The following PCDHGA10 variants were observed in gnomAD, a reference collection of about 807,000 sequenced individuals.
PCDHGA10 encodes the protein protocadherin gamma subfamily A, 10, also known as protocadherin gamma-A10.
Under a neutral mutation model 59.5 loss-of-function variants are expected in PCDHGA10, and 42 were observed. The ratio of observed to expected loss-of-function variants is 0.71; its 90% CI spans 0.55 to 0.91. The LOEUF is 0.91. Among genes scored for constraint, PCDHGA10 ranks in the 40% least tolerant of loss-of-function variants. The pLI is 0.00. For missense variants in PCDHGA10, 1,111 were observed against 1,198.2 expected, an observed-to-expected ratio of 0.93 and a Z score of 1.07; for synonymous variants, 511 against 517.2, an observed-to-expected ratio of 0.99 and a Z score of 0.16.
At chr5:141,423,238 G>A (rs765040062) in intron 1 of PCDHGA10, 3 of 1,613,778 alleles carry the variant, frequency 1.9e-6, no homozygotes, top group South Asian at 1.1e-5. Flanking sequence ...CAGCATCCCC[G>A]AAGTCCTGGC....
At chr5:141,497,839 A>G (rs1399696596) in intron 2 of PCDHGA10, among the ~76,000 whole-genome samples, 1 of 152,044 alleles carries the variant, frequency 6.6e-6, no homozygotes, top group East Asian at 1.9e-4. Flanking sequence ...CCCGGCCACA[A>G]CAAACATTTT....
At chr5:141,466,827 T>C (rs1414741980) in intron 1 of PCDHGA10, among the ~76,000 whole-genome samples, 1 of 152,194 alleles carries the variant, frequency 6.6e-6, no homozygotes, top group Admixed American at 6.5e-5. Context: ...AACAAGTTAG[T>C]ATGGGTTTAT....
intron 1 of PCDHGA10, among the ~76,000 whole-genome samples, chr5:141,474,448 A>G (rs1350019257): frequency 3.3e-5 from 5 of 152,204 alleles, no homozygotes; most frequent in Non-Finnish European, 5.9e-5. Context: ...GTAGCAAGTG[A>G]TTGGGCTATA....
chr5:141,461,230 G>T (rs945407206), intron 1 of PCDHGA10, among the ~76,000 whole-genome samples: 2 of 152,024 alleles, frequency 1.3e-5, no homozygotes, highest in African/African-American at 4.8e-5. Flanking sequence ...TTCCATAGAG[G>T]TTGTACTAAT....
chr5:141,432,050 C>T lies in PCDHGA10; in HGVS notation c.2436+16439C>T. The stretch of plus-strand genomic sequence containing the variant: ...GACCGCCACTGACCGGGGAACCCCG[C>T]CCCTATCCACGGAAACTCATATCTC... On this transcript the variant is annotated intron_variant, in intron 1 of 3. Transcript: ENST00000398610. The surrounding 1 kb of genome is among the most constrained non-coding windows in gnomAD (Gnocchi z 6.0). The T allele has an allele frequency of 6.2e-7, 1 of 1,614,218 alleles. No individual in the cohort carries two copies. The highest frequency in any genetic ancestry group is 8.5e-7 in the Non-Finnish European group (1 of 1,180,044).
rs1056458163 is a variant in PCDHGA10 at position 141,413,019 on chromosome 5, C to A, written c.-157C>A. On this transcript the variant is annotated 5_prime_UTR_variant, in exon 1 of 4. Transcript: ENST00000398610. ...ATTCTCAGGGCTTCAACTACACAAG[C>A]CCCACAAACCGGCTGCTGGGCTGCA... 3.5e-5 allele frequency: 24 copies of A among 683,104 alleles called. No homozygotes were observed. The highest frequency in any genetic ancestry group is 5.2e-5 in the Non-Finnish European group (22 of 425,516). The allele number at this position is 683,104 out of a possible 1,614,324, so 42.3% of individuals were successfully genotyped here.
In PCDHGA10 at chr5:141,432,827, A is replaced by G. The variant is rs758445645; in HGVS notation, c.2436+17216A>G. ...AGCTAACTCTGAAACCTCAGACCTC[A>G]CTCTGTACCTGGTGGTAGCGGTGGC... On this transcript the variant is annotated intron_variant, in intron 1 of 3. Transcript: ENST00000398610. The surrounding 1 kb of genome is among the most constrained non-coding windows in gnomAD (Gnocchi z 6.0). 9 of 1,613,142 alleles carry G rather than the reference A, an allele frequency of 5.6e-6. No individual in the cohort carries two copies. Among genetic ancestry groups the G allele is most frequent in the Admixed American group, 1.7e-5 (1 of 59,958 alleles).
At chr5:141,496,799 G>C (rs2099771487) in intron 2 of PCDHGA10, among the ~76,000 whole-genome samples, 1 of 151,912 alleles carries the variant, frequency 6.6e-6, no homozygotes, top group African/African-American at 2.4e-5. Context: ...TAAACATTGG[G>C]CTATAGGAGT....
chr5:141,476,036 A>G lies in PCDHGA10; in HGVS notation c.2437-18771A>G. The G allele has an allele frequency of 1.4e-6, 2 of 1,471,164 alleles. No individual in the cohort carries two copies. Among genetic ancestry groups the G allele is most frequent in the Non-Finnish European group, 1.8e-6 (2 of 1,106,602 alleles). 91.1% of individuals were successfully genotyped at this position (1,471,164 alleles called of 1,614,324 possible). ...ATGTCGGACTCGGCGCCCAGCGCCCAAGCGCTAACCCGCTGAAAGTTTCTC... is the reference window on the plus strand; with the variant it reads ...ATGTCGGACTCGGCGCCCAGCGCCCGAGCGCTAACCCGCTGAAAGTTTCTC... On this transcript the variant is annotated intron_variant, in intron 1 of 3. Transcript: ENST00000398610. The surrounding 1 kb of genome is among the most constrained non-coding windows in gnomAD (Gnocchi z 7.6).
Position 141,486,563 on chromosome 5 carries a change from G to T in PCDHGA10, c.2437-8244G>T, listed in dbSNP as rs558244990. Reference sequence around the variant, plus strand: ...CTTTCAGAGGTCACATGAGGTGTTTGTTCCTGAGAACAATCGCCCAGGGGA... The same window carrying T: ...CTTTCAGAGGTCACATGAGGTGTTTTTTCCTGAGAACAATCGCCCAGGGGA... On this transcript the variant is annotated intron_variant, in intron 1 of 3. Transcript: ENST00000398610. The surrounding 1 kb of genome is among the most constrained non-coding windows in gnomAD (Gnocchi z 5.0). The T allele has an allele frequency of 4.3e-6, 7 of 1,614,006 alleles. No individual in the cohort carries two copies. The highest frequency in any genetic ancestry group is 4.0e-5 in the African/African-American group (3 of 75,054).
At position 141,491,971 on chromosome 5, in the gene PCDHGA10, T is replaced by C. The variant is rs62379205; in HGVS notation, c.2437-2836T>C. ...CCTACACTCAAAAAAGGCCGGGGCC[T>C]CCTTCGAGCTTCCGGTGAATTTCGG... is the stretch of plus-strand genomic sequence containing the variant. On this transcript the variant is annotated intron_variant, in intron 1 of 3. Coordinates refer to ENST00000398610, the MANE Select transcript of PCDHGA10 (RefSeq NM_018913.3). This position sits in a 1 kb window ranked among gnomAD's most constrained non-coding sequence, Gnocchi z 6.9. The C allele has an allele frequency of 0.2, 165,735 of 830,872 alleles. 17,637 individuals are homozygous for C. Among genetic ancestry groups the C allele is most frequent in the Admixed American group, 0.32 (8,466 of 26,688 alleles). 51.5% of individuals were successfully genotyped at this position (830,872 alleles called of 1,614,324 possible).
At chr5:141,428,002 T>G in intron 1 of PCDHGA10, 1 of 1,601,328 alleles carries the variant, frequency 6.2e-7, no homozygotes, top group Non-Finnish European at 8.5e-7. Context: ...TCCGCACTCT[T>G]CGATATAGTG....
intron 1 of PCDHGA10, chr5:141,479,537 T>C (rs1299169562): frequency 6.6e-6 from 1 of 152,230 alleles, no homozygotes; most frequent in Non-Finnish European, 1.5e-5. Context: ...GTGGAGAAGG[T>C]CAAAACTGCT....
chr5:141,432,172 CGTCTCTGTGACCGCCCACGACCCCGA>C lies in PCDHGA10; in HGVS notation c.2436+16562_2436+16587del. 6.2e-7 allele frequency: 1 copy of C among 1,614,152 alleles called. No individual in the cohort carries two copies. Among genetic ancestry groups the C allele is most frequent in the Non-Finnish European group, 8.5e-7 (1 of 1,180,038 alleles). ...AGAACAATCCCAGAGGAGTTTCCCT[CGTCTCTGTGACCGCCCACGACCCCGA>C]CTGTGAAGAGAACGCCCAGATCACT... On this transcript the variant is annotated intron_variant, in intron 1 of 3. Transcript: ENST00000398610. The surrounding 1 kb of genome is among the most constrained non-coding windows in gnomAD (Gnocchi z 6.0).
intron 1 of PCDHGA10, chr5:141,418,087 C>G (rs2096220274): frequency 6.2e-7 from 1 of 1,613,894 alleles, no homozygotes; most frequent in African/African-American, 1.3e-5. Context: ...TGCACTTCAG[C>G]GTAGACGCGC....
At chr5:141,437,249 T>G (rs2097870737) in intron 1 of PCDHGA10, among the ~76,000 whole-genome samples, 1 of 152,240 alleles carries the variant, frequency 6.6e-6, no homozygotes, top group African/African-American at 2.4e-5. Context: ...GGACTTTCCT[T>G]GTCTTTTTAT....
rs17097211 is a variant in PCDHGA10 at position 141,423,498 on chromosome 5, G to A, written c.2436+7887G>A. 9.4e-4 allele frequency: 1,510 copies of A among 1,613,948 alleles called. 9 individuals are homozygous for A. In the African/African-American group the frequency reaches 0.016, roughly 17 times the overall value. ...CTTTCCTGCAAACCTATTCCCACGA[G>A]GTCTCTCTCATTGCGGACTCGCAGA... On this transcript the variant is annotated intron_variant, in intron 1 of 3. Transcript: ENST00000398610.
intron 1 of PCDHGA10, among the ~76,000 whole-genome samples, chr5:141,471,869 G>A (rs1234106506): frequency 6.6e-6 from 1 of 152,172 alleles, no homozygotes; most frequent in Non-Finnish European, 1.5e-5. Flanking sequence ...AACTGTGGTT[G>A]CCTGAGGCTG....
rs77983663 is a variant in PCDHGA10, at chr5:141,504,853, C to T, written c.2496-540C>T. 2.8e-4 allele frequency among the ~76,000 whole-genome samples: 42 copies of T among 152,214 alleles called. No homozygotes were observed. In the East Asian group the frequency reaches 7.7e-3, roughly 28 times the overall value. On this transcript the variant is annotated intron_variant, in intron 2 of 3. Transcript: ENST00000398610. ...TTCTCTAGCTCTGGAACATTCTCTT[C>T]CATTTCCCACCTTCACAGTCCTCTG... is the stretch of plus-strand genomic sequence containing the variant.
Sources: allele counts gnomAD v4.1 joint callset (sites outside exome capture counted in the v4.1 genomes callset), GRCh38; gene constraint gnomAD v4.1.1; non-coding constraint Gnocchi (gnomAD v3.1); transcripts MANE v1.5; gene names NCBI Gene and HGNC (gene_info 2026-07-23, HGNC 2026-07-21).